Variants in ROCK2 observed in about 807,000 individuals in gnomAD.
ROCK2 encodes Rho associated coiled-coil containing protein kinase 2.
ROCK2 carries 61 observed loss-of-function variants against 195.1 expected under a neutral mutation model. The observed-to-expected ratio is 0.31, with a 90% CI of 0.25 to 0.39. ROCK2 has a LOEUF of 0.39. Ranked by LOEUF, ROCK2 falls within the 10% of genes least tolerant of loss-of-function variation. The pLI is 1.00. For synonymous variants in ROCK2, 504 were observed against 545.5 expected (o/e 0.92, Z 1.06); for missense variants, 1,109 against 1,637.4 (o/e 0.68, Z 5.57).
chr2:11,283,636 T>C (rs1667093607), intron 3 of ROCK2, among the ~76,000 whole-genome samples: 1 of 150,004 alleles, frequency 6.7e-6, no homozygotes, highest in African/African-American at 2.4e-5. Flanking sequence ...CAAATAAGTA[T>C]ATGAAAAGAT....
intron 4 of ROCK2, among the ~76,000 whole-genome samples, 165 bp downstream of exon 4, chr2:11,249,496 T>C (rs1337322544): frequency 6.6e-6 from 1 of 152,244 alleles, no homozygotes; most frequent in Admixed American, 6.5e-5. Flanking sequence ...TATGTGGACA[T>C]ACTGTTTTGG....
intron 3 of ROCK2, among the ~76,000 whole-genome samples, chr2:11,272,779 G>C (rs1267816617): frequency 6.7e-6 from 1 of 148,380 alleles, no homozygotes; most frequent in Non-Finnish European, 1.5e-5. Flanking sequence ...CTGAGGCAGG[G>C]AAATCACTTG....
rs532621324 is a variant in ROCK2 at position 11,183,200 on chromosome 2, T to C, written c.*237A>G. On this transcript the variant is annotated 3_prime_UTR_variant, in exon 33 of 33. Transcript: ENST00000315872. ...AGCTTTATGGAAAAGTCTGGAAGAG[T>C]TGCATATATCCTTAGTCTATCAACC... 4.9e-6 allele frequency: 2 copies of C among 407,408 alleles called. No individual in the cohort carries two copies. Among genetic ancestry groups the C allele is most frequent in the South Asian group, 6.6e-5 (1 of 15,134 alleles). 25.2% of individuals were successfully genotyped at this position (407,408 alleles called of 1,614,324 possible).
chr2:11,201,411 G>A lies in ROCK2; in HGVS notation c.2622C>T (p.Thr874=), dbSNP rs780132774. The change falls in exon 22 of 33, where the codon ACC becomes ACT. Residue 874 remains threonine (T), a splice_region_variant and synonymous_variant. Transcript: ENST00000315872. This position sits in a 1 kb window ranked among gnomAD's most constrained non-coding sequence, Gnocchi z 4.6. ...DQLEAEQYFS[T]LYKTQVRELK... Reference sequence around the variant, plus strand: ...GCTCCCTAACTTGTGTTTTATAAAGGGTCTAAATAGCAAAATACAACAGAA... The same window carrying A: ...GCTCCCTAACTTGTGTTTTATAAAGAGTCTAAATAGCAAAATACAACAGAA... 26 of 1,518,394 alleles carry A rather than the reference G, an allele frequency of 1.7e-5. No individual in the cohort carries two copies. The highest frequency in any genetic ancestry group is 2.3e-5 in the Non-Finnish European group (25 of 1,094,068). 94.1% of individuals were successfully genotyped at this position (1,518,394 alleles called of 1,614,324 possible).
chr2:11,220,923 T>A (rs537385466), intron 9 of ROCK2, among the ~76,000 whole-genome samples: 1 of 152,238 alleles, frequency 6.6e-6, no homozygotes, highest in Non-Finnish European at 1.5e-5. Context: ...AATTCTCTTA[T>A]ATCCTTCACG....
At chr2:11,251,485 G>A (rs1437486475) in intron 3 of ROCK2, among the ~76,000 whole-genome samples, 3 of 152,094 alleles carry the variant, frequency 2.0e-5, no homozygotes, top group African/African-American at 4.8e-5. Flanking sequence ...ACTGCCCAAG[G>A]GCTATATAGA....
intron 3 of ROCK2, among the ~76,000 whole-genome samples, chr2:11,283,800 A>G (rs1247240489): frequency 6.6e-6 from 1 of 152,244 alleles, no homozygotes; most frequent in African/African-American, 2.4e-5. Context: ...ATCTTCATTC[A>G]TTGCTGGTAG....
At chr2:11,234,797 A>G (rs1665145432) in intron 5 of ROCK2, 2 of 152,118 alleles carry the variant, frequency 1.3e-5, no homozygotes, top group African/African-American at 4.8e-5. Context: ...TGAGCTTAGA[A>G]GTTGGAATGC....
At chr2:11,303,275 T>C (rs1308393410) in intron 1 of ROCK2, among the ~76,000 whole-genome samples, 1 of 152,242 alleles carries the variant, frequency 6.6e-6, no homozygotes, top group Non-Finnish European at 1.5e-5. Flanking sequence ...GTTATTTTTG[T>C]ACACAGCTTA....
At chr2:11,297,965 T>C (rs1274587559) in intron 1 of ROCK2, among the ~76,000 whole-genome samples, 4 of 152,134 alleles carry the variant, frequency 2.6e-5, no homozygotes, top group East Asian at 1.9e-4. Context: ...ATGAAAAACA[T>C]AGGTGGGGTG....
At chr2:11,338,586 G>A (rs995807861) in intron 1 of ROCK2, among the ~76,000 whole-genome samples, 9 of 152,142 alleles carry the variant, frequency 5.9e-5, no homozygotes, top group South Asian at 4.2e-4. Flanking sequence ...GTGCGTCGTC[G>A]GATTTTGGTA....
At chr2:11,257,293 G>T (rs1290349315) in intron 3 of ROCK2, among the ~76,000 whole-genome samples, 3 of 151,258 alleles carry the variant, frequency 2.0e-5, no homozygotes, top group African/African-American at 7.4e-5. Flanking sequence ...GCCCTGTGGG[G>T]CTTAGAGCTG....
At chr2:11,276,864 T>C (rs981116782) in intron 3 of ROCK2, among the ~76,000 whole-genome samples, 2 of 152,202 alleles carry the variant, frequency 1.3e-5, no homozygotes, top group African/African-American at 4.8e-5. Flanking sequence ...ATTAGGATTA[T>C]TTTGTTATTA....
At chr2:11,320,130 A>T (rs1215189352) in intron 1 of ROCK2, among the ~76,000 whole-genome samples, 1 of 152,180 alleles carries the variant, frequency 6.6e-6, no homozygotes. Flanking sequence ...CTCTTCCTGG[A>T]AGCTACTCAC....
At chr2:11,343,686 C>G (rs950361347) in intron 1 of ROCK2, among the ~76,000 whole-genome samples, 2 of 152,172 alleles carry the variant, frequency 1.3e-5, no homozygotes, top group African/African-American at 4.8e-5. Context: ...CATGGCCAGT[C>G]CTCCACCCAC....
At chr2:11,183,648 T>A (rs956140415) in intron 32 of ROCK2, among the ~76,000 whole-genome samples, 3 of 152,194 alleles carry the variant, frequency 2.0e-5, no homozygotes, top group African/African-American at 7.2e-5. Context: ...CCAAAACAAC[T>A]TGGGATTTTG....
chr2:11,281,856 C>T (rs1667014172), intron 3 of ROCK2, among the ~76,000 whole-genome samples: 1 of 152,136 alleles, frequency 6.6e-6, no homozygotes, highest in South Asian at 2.1e-4. Flanking sequence ...AATCAAAGAA[C>T]TAAGCAAATG....
intron 4 of ROCK2, among the ~76,000 whole-genome samples, chr2:11,238,091 G>C (rs1665278409): frequency 6.6e-6 from 1 of 152,116 alleles, no homozygotes; most frequent in African/African-American, 2.4e-5. Flanking sequence ...GGGAGAAAAG[G>C]AATAAATCCA....
intron 16 of ROCK2, 111 bp downstream of exon 16, chr2:11,214,729 A>T: frequency 2.0e-6 from 2 of 983,066 alleles, no homozygotes; most frequent in Non-Finnish European, 2.9e-6. Context: ...TTCTAACTTT[A>T]CATAATAGTA....
Sources: gnomAD v4.1 joint callset for allele counts (sites outside exome capture counted in the v4.1 genomes callset) on GRCh38, gnomAD v4.1.1 for gene constraint, Gnocchi (gnomAD v3.1) non-coding constraint, MANE v1.5 for transcripts, NCBI Gene and HGNC (gene_info 2026-07-23, HGNC 2026-07-21) for gene names.